SRGAP1: variants seen among roughly 807,000 people sequenced by gnomAD.
The protein encoded by SRGAP1 is SLIT-ROBO Rho GTPase-activating protein 1.
Under a neutral mutation model 121.9 loss-of-function variants are expected in SRGAP1, and 43 were observed. That is an observed-to-expected ratio of 0.35 (90% confidence interval 0.28 to 0.46). The LOEUF (loss-of-function observed/expected upper bound fraction) is 0.46, where lower values mean the gene tolerates loss of function less well. Among genes scored for constraint, SRGAP1 ranks in the 20% least tolerant of loss-of-function variants. The pLI, the probability that SRGAP1 is intolerant of heterozygous loss-of-function variation, is 1.00. For synonymous variants in SRGAP1, 447 were observed against 485.4 expected (o/e 0.92, Z 1.04); for missense variants, 1,102 against 1,350.9 (o/e 0.82, Z 2.89).
chr12:64,065,511 A>G (rs1377424148), intron 8 of SRGAP1, among the ~76,000 whole-genome samples: 3 of 152,228 alleles, frequency 2.0e-5, no homozygotes, highest in Non-Finnish European at 4.4e-5. Context: ...ATCAAATTCA[A>G]CATATATATC....
chr12:63,907,345 T>A (rs1365110152), intron 1 of SRGAP1, among the ~76,000 whole-genome samples: 1 of 152,122 alleles, frequency 6.6e-6, no homozygotes, highest in Non-Finnish European at 1.5e-5. Flanking sequence ...GAGACCAGCT[T>A]GGCCAACATA....
At chr12:64,139,270 C>G (rs1187713520) in intron 21 of SRGAP1, among the ~76,000 whole-genome samples, 1 of 152,132 alleles carries the variant, frequency 6.6e-6, no homozygotes, top group Non-Finnish European at 1.5e-5. Context: ...TCAGTGAGAT[C>G]CACTGGAAAA....
In SRGAP1 at chr12:64,115,839, A is replaced by G. The variant is rs1478946920; in HGVS notation, c.2170A>G (p.Thr724Ala). The change falls in exon 18 of 22, where the codon ACA (threonine) becomes GCA (alanine). Residue 724 changes from threonine (T) to alanine (A), a missense_variant. Thr to Ala is a moderately conservative substitution (Grantham distance 58, BLOSUM62 0). This residue lies in a region of SRGAP1 where 747 missense variants were observed against 929.4 expected (regional missense o/e 0.80). Transcript: ENST00000355086. ...CGACAGCCCATACAGTGAGCACGGTACATTGGAGGAAGTGGACCAAGATGC... is the reference window on the plus strand; with the variant it reads ...CGACAGCCCATACAGTGAGCACGGTGCATTGGAGGAAGTGGACCAAGATGC... ...YCDSPYSEHG[T>A]LEEVDQDAGT... is the part of the protein sequence containing the mutation. 1.9e-6 allele frequency: 3 copies of G among 1,613,724 alleles called. No homozygotes were observed. The highest frequency in any genetic ancestry group is 2.2e-5 in the East Asian group (1 of 44,856).
intron 3 of SRGAP1, among the ~76,000 whole-genome samples, chr12:63,995,191 C>A (rs2033662036): frequency 6.6e-6 from 1 of 152,120 alleles, no homozygotes; most frequent in African/African-American, 2.4e-5. Flanking sequence ...TATTTTTTAT[C>A]CTTCCTTGGT....
At chr12:64,110,419 TA>T (rs771847664) in intron 16 of SRGAP1, among the ~76,000 whole-genome samples, 323 of 152,338 alleles carry the variant, frequency 2.1e-3, no homozygotes, top group Non-Finnish European at 3.7e-3. Context: ...CCAGTGGTTC[TA>T]CCCAGAGGCC....
chr12:64,126,660 A>G (rs1187234310), intron 19 of SRGAP1, among the ~76,000 whole-genome samples: 1 of 152,188 alleles, frequency 6.6e-6, no homozygotes, highest in Non-Finnish European at 1.5e-5. Context: ...CAGGTTGCAA[A>G]ATAATGTGTA....
At chr12:64,032,425 G>C (rs1173842935) in intron 4 of SRGAP1, 2 of 659,814 alleles carry the variant, frequency 3.0e-6, no homozygotes, top group Non-Finnish European at 5.6e-6. Flanking sequence ...TCAGATCTCT[G>C]GGCTGAGAGA....
chr12:64,089,378 G>A (rs530187322), intron 11 of SRGAP1, among the ~76,000 whole-genome samples: 11 of 152,260 alleles, frequency 7.2e-5, no homozygotes, highest in Non-Finnish European at 1.2e-4. Flanking sequence ...TCTGCCTCCT[G>A]ACCCACCCCG....
At chr12:64,137,916 A>G (rs1331240991) in intron 21 of SRGAP1, among the ~76,000 whole-genome samples, 1 of 150,086 alleles carries the variant, frequency 6.7e-6, no homozygotes. Flanking sequence ...CCACCATCTC[A>G]CACAACACTC....
intron 1 of SRGAP1, among the ~76,000 whole-genome samples, chr12:63,870,533 A>ATTTTTTTTTTT (rs1216674448): frequency 9.9e-6 from 1 of 100,806 alleles, no homozygotes; most frequent in Non-Finnish European, 2.0e-5. Flanking sequence ...CCCTATCTTG[A>ATTTTTTTTTTT]TTTTTTTTTT....
intron 1 of SRGAP1, among the ~76,000 whole-genome samples, chr12:63,891,714 T>C (rs1483673451): frequency 2.6e-5 from 4 of 152,168 alleles, no homozygotes; most frequent in South Asian, 4.2e-4. Flanking sequence ...CAGCCAGGCA[T>C]GGTGGTTCAC....
chr12:63,969,781 G>A (rs1235288609), intron 1 of SRGAP1, among the ~76,000 whole-genome samples: 2 of 150,580 alleles, frequency 1.3e-5, no homozygotes, highest in African/African-American at 2.4e-5. Context: ...GTGACAGAGC[G>A]AGACTCTGTC....
intron 3 of SRGAP1, among the ~76,000 whole-genome samples, chr12:64,003,234 A>G (rs1244661447): frequency 6.6e-6 from 1 of 151,956 alleles, no homozygotes; most frequent in Non-Finnish European, 1.5e-5. Context: ...CTACAGGTGT[A>G]CACCACCATG....
intron 1 of SRGAP1, among the ~76,000 whole-genome samples, chr12:63,906,086 C>T (rs1241539672): frequency 6.6e-6 from 1 of 152,174 alleles, no homozygotes; most frequent in Non-Finnish European, 1.5e-5. Flanking sequence ...GGTCTACTGC[C>T]TGTCTCTATA....
intron 1 of SRGAP1, among the ~76,000 whole-genome samples, chr12:63,958,204 G>A (rs2032532693): frequency 6.6e-6 from 1 of 152,140 alleles, no homozygotes. Context: ...AAACACCCTG[G>A]CACCCAGTGG....
chr12:63,984,205 T>G lies in SRGAP1; in HGVS notation c.263+63T>G, dbSNP rs576835557. 5.3e-5 allele frequency: 51 copies of G among 960,340 alleles called. No individual in the cohort carries two copies. In the South Asian group the frequency reaches 1.4e-3, roughly 26 times the overall value. 59.5% of individuals were successfully genotyped at this position (960,340 alleles called of 1,614,324 possible). On this transcript the variant is annotated intron_variant, in intron 2 of 21. Transcript: ENST00000355086. ...ATATCCATACTGCCTTTGCCACCTT[T>G]GTGGATTTTTTATTTTTCTATTTTT... is the stretch of plus-strand genomic sequence containing the variant.
intron 1 of SRGAP1, among the ~76,000 whole-genome samples, chr12:63,958,589 G>A (rs1489572012): frequency 6.6e-6 from 1 of 152,154 alleles, no homozygotes; most frequent in Non-Finnish European, 1.5e-5. Flanking sequence ...TACTGAGTGT[G>A]GACAGTGAAG....
intron 4 of SRGAP1, among the ~76,000 whole-genome samples, chr12:64,036,006 T>G (rs2034895393): frequency 6.6e-6 from 1 of 152,214 alleles, no homozygotes; most frequent in African/African-American, 2.4e-5. Context: ...TTAGGAAACT[T>G]GCCCACTTAA....
intron 6 of SRGAP1, among the ~76,000 whole-genome samples, chr12:64,060,358 C>T (rs1368597293): frequency 6.6e-6 from 1 of 152,032 alleles, no homozygotes; most frequent in East Asian, 1.9e-4. Context: ...CAGCACCCAC[C>T]CCTATACTCG....
Sources: allele counts gnomAD v4.1 joint callset (sites outside exome capture counted in the v4.1 genomes callset), GRCh38; gene constraint gnomAD v4.1.1; regional missense constraint gnomAD v4.1.1; transcripts MANE v1.5; gene names NCBI Gene and HGNC (gene_info 2026-07-23, HGNC 2026-07-21).